Variants in PPP6C observed in about 807,000 individuals in gnomAD.
PPP6C encodes the protein serine/threonine-protein phosphatase 6 catalytic subunit.
Under a neutral mutation model 39.8 loss-of-function variants are expected in PPP6C, and 11 were observed. The ratio of observed to expected loss-of-function variants is 0.28; its 90% CI spans 0.17 to 0.46. PPP6C has a LOEUF of 0.46. Among genes scored for constraint, PPP6C ranks in the 20% least tolerant of loss-of-function variants. The probability of loss-of-function intolerance (pLI) is 1.00; values close to 1 mark genes in which losing one functional copy is unlikely to be tolerated. For missense variants in PPP6C, 211 were observed against 373.9 expected, an observed-to-expected ratio of 0.56 and a Z score of 3.59; for synonymous variants, 129 against 130.3, an observed-to-expected ratio of 0.99 and a Z score of 0.07.
intron 1 of PPP6C, among the ~76,000 whole-genome samples, chr9:125,189,328 T>G (rs1426366511): frequency 6.6e-6 from 1 of 152,108 alleles, no homozygotes; most frequent in African/African-American, 2.4e-5. Flanking sequence ...GACCCAGGGA[T>G]GGGGTGGGGA....
chr9:125,155,711 G>A (rs748704045), intron 4 of PPP6C, among the ~76,000 whole-genome samples: 15 of 152,064 alleles, frequency 9.9e-5, no homozygotes, highest in Non-Finnish European at 2.1e-4. Context: ...AGACCATCCT[G>A]GCTAACACGG....
At chr9:125,184,564 A>G (rs1299353059) in intron 1 of PPP6C, among the ~76,000 whole-genome samples, 1 of 151,968 alleles carries the variant, frequency 6.6e-6, no homozygotes, top group Non-Finnish European at 1.5e-5. Flanking sequence ...CTCAAAGAAA[A>G]AAAAAAAAAG....
In PPP6C at chr9:125,153,660, C is replaced by T. The variant is rs2131299808; in HGVS notation, c.542G>A (p.Arg181Gln). 1 of 1,614,120 alleles carries T rather than the reference C, an allele frequency of 6.2e-7. No individual in the cohort carries two copies. Among genetic ancestry groups the T allele is most frequent in the Non-Finnish European group, 8.5e-7 (1 of 1,180,004 alleles). ...TCCTTTATGAGGAATTTCCTGATTC[C>T]GTTCGATGGTTCGAATTTGATCCAG... ...KTLDQIRTIE[R>Q]NQEIPHKGAF... Residue 181 changes from arginine (R) to glutamine (Q), a missense_variant, in exon 6 of 7, where the codon CGG becomes CAG. By Grantham distance (43) the Arg-to-Gln change is conservative (BLOSUM62 1). Around this residue, in one of 2 missense-constraint regions of PPP6C, gnomAD observed 168 missense variants for 342.6 expected, o/e 0.49. Coordinates refer to ENST00000373547, the MANE Select transcript of PPP6C (RefSeq NM_002721.5).
At chr9:125,170,795 T>A (rs1829131238) in intron 2 of PPP6C, among the ~76,000 whole-genome samples, 1 of 152,208 alleles carries the variant, frequency 6.6e-6, no homozygotes, top group Non-Finnish European at 1.5e-5. Context: ...TATGTGTTTG[T>A]ACTTTATATC....
At chr9:125,150,893 G>C in intron 6 of PPP6C, 2 of 869,704 alleles carry the variant, frequency 2.3e-6, no homozygotes, top group South Asian at 2.6e-5. Flanking sequence ...CTGCTTCAGC[G>C]AGCCAGCTTA....
intron 1 of PPP6C, among the ~76,000 whole-genome samples, chr9:125,172,771 A>G (rs986631570): frequency 6.6e-6 from 1 of 151,518 alleles, no homozygotes; most frequent in Non-Finnish European, 1.5e-5. Flanking sequence ...ACACACACAC[A>G]AACACAAGTA....
At chr9:125,162,285 C>T (rs1828893867) in intron 2 of PPP6C, among the ~76,000 whole-genome samples, 1 of 151,510 alleles carries the variant, frequency 6.6e-6, no homozygotes, top group Non-Finnish European at 1.5e-5. Context: ...TGGTGAAACC[C>T]CATCTCTACT....
At chr9:125,185,625 C>T (rs144229500) in intron 1 of PPP6C, among the ~76,000 whole-genome samples, 74 of 150,482 alleles carry the variant, frequency 4.9e-4, no homozygotes, top group African/African-American at 1.7e-3. Context: ...ATCCGGGAGG[C>T]GGAGGTTGCA....
chr9:125,152,923 A>T (rs1366616645), intron 6 of PPP6C, among the ~76,000 whole-genome samples: 2 of 152,082 alleles, frequency 1.3e-5, no homozygotes, highest in Non-Finnish European at 2.9e-5. Context: ...GAAAAAAAAA[A>T]AAAAGTATTG....
chr9:125,181,435 T>C (rs7468595), intron 1 of PPP6C, among the ~76,000 whole-genome samples: 2 of 152,138 alleles, frequency 1.3e-5, no homozygotes, highest in African/African-American at 4.8e-5. Flanking sequence ...CCTGCACCCA[T>C]CAACCCATCA....
At chr9:125,153,421 C>A in intron 6 of PPP6C, 112 bp downstream of exon 6, 1 of 953,692 alleles carries the variant, frequency 1.0e-6, no homozygotes, top group Non-Finnish European at 1.6e-6. Context: ...ATATCCACAG[C>A]CACCATATTT....
At chr9:125,174,415 G>T (rs1364035113) in intron 1 of PPP6C, among the ~76,000 whole-genome samples, 2 of 149,792 alleles carry the variant, frequency 1.3e-5, no homozygotes, top group Non-Finnish European at 3.0e-5. Context: ...AAAATAAAAT[G>T]ATTTGCCTTC....
chr9:125,155,359 T>C (rs1236966830), intron 4 of PPP6C, among the ~76,000 whole-genome samples: 1 of 152,076 alleles, frequency 6.6e-6, no homozygotes, highest in East Asian at 1.9e-4. Flanking sequence ...AGTCTGCAGG[T>C]TATGACCAAT....
chr9:125,187,299 G>A (rs1829551334), intron 1 of PPP6C, among the ~76,000 whole-genome samples: 1 of 150,232 alleles, frequency 6.7e-6, no homozygotes, highest in Admixed American at 6.6e-5. Context: ...TTTTTTTTGA[G>A]ACAGAGTCTT....
At chr9:125,165,047 A>AT (rs1018112458) in intron 2 of PPP6C, among the ~76,000 whole-genome samples, 34 of 148,320 alleles carry the variant, frequency 2.3e-4, no homozygotes, top group South Asian at 6.5e-4. Flanking sequence ...GGGAAGTGGA[A>AT]TTTTTTTTTT....
chr9:125,153,913 A>G lies in PPP6C; in HGVS notation c.452T>C (p.Val151Ala). 1 of 1,604,856 alleles carries G rather than the reference A, an allele frequency of 6.2e-7. No individual in the cohort carries two copies. The highest frequency in any genetic ancestry group is 8.5e-7 in the Non-Finnish European group (1 of 1,171,728). Residue 151 changes from valine (V) to alanine (A), a missense_variant, in exon 5 of 7, where the codon GTA becomes GCA. Transcript: ENST00000373547. Reference protein sequence around the residue: ...YCTKVFDMLTVAALIDEQILC... With the variant: ...YCTKVFDMLTAAALIDEQILC... ...TTAAAAATAGAAACTTACAGCTGCT[A>G]CTGTGAGCATGTCAAAAACTTTGGT...
Position 125,160,883 on chromosome 9 carries a change from G to T in PPP6C, c.195C>A (p.Phe65Leu). Residue 65 changes from phenylalanine (F) to leucine (L), a missense_variant, in exon 3 of 7, where the codon TTC becomes TTA. Physicochemically the swap from Phe to Leu is conservative, Grantham distance 22. Around this residue, in one of 2 missense-constraint regions of PPP6C, gnomAD observed 168 missense variants for 342.6 expected, o/e 0.49. Coordinates refer to ENST00000373547, the MANE Select transcript of PPP6C (RefSeq NM_002721.5). ...TGTCAGGAACCTGACCTCCAGTTCT[G>T]AACAGTTCACAAAGGTCATAAAACT... ...HGQFYDLCELFRTGGQVPDTN... is the reference protein window; with the variant it reads ...HGQFYDLCELLRTGGQVPDTN... 1.3e-6 allele frequency: 2 copies of T among 1,590,224 alleles called. No homozygotes were observed. The highest frequency in any genetic ancestry group is 2.3e-5 in the South Asian group (2 of 86,774).
At chr9:125,165,936 A>G (rs1829003733) in intron 2 of PPP6C, among the ~76,000 whole-genome samples, 1 of 151,500 alleles carries the variant, frequency 6.6e-6, no homozygotes, top group African/African-American at 2.4e-5. Flanking sequence ...AGCCGAGATT[A>G]CAGGCACGTA....
At chr9:125,176,883 CA>C (rs1205952677) in intron 1 of PPP6C, among the ~76,000 whole-genome samples, 1 of 152,100 alleles carries the variant, frequency 6.6e-6, no homozygotes, top group Non-Finnish European at 1.5e-5. Context: ...CAGCTGGATA[CA>C]GGGTGTTAAG....
Sources: gnomAD v4.1 joint callset for allele counts (sites outside exome capture counted in the v4.1 genomes callset) on GRCh38, gnomAD v4.1.1 for gene constraint, gnomAD v4.1.1 regional missense constraint, MANE v1.5 for transcripts, NCBI Gene and HGNC (gene_info 2026-07-23, HGNC 2026-07-21) for gene names.